Variants in SLC35F4 observed in about 807,000 individuals in gnomAD.
SLC35F4 encodes solute carrier family 35 member F4, also known as chromosome 14 open reading frame 36.
In SLC35F4, 24 loss-of-function variants were observed where a neutral mutation model predicts 44.2. The observed-to-expected ratio is 0.54, with a 90% confidence interval of 0.39 to 0.76. The LOEUF is 0.76. SLC35F4 is among the 30% of genes least tolerant of loss of function. SLC35F4 has a pLI of 0.00. For missense variants in SLC35F4, 562 were observed against 586.1 expected, an observed-to-expected ratio of 0.96 and a Z score of 0.42; for synonymous variants, 238 against 223.6, an observed-to-expected ratio of 1.06 and a Z score of -0.57.
At chr14:57,713,311 C>A (rs192416403) in intron 1 of SLC35F4, among the ~76,000 whole-genome samples, 32 of 152,248 alleles carry the variant, frequency 2.1e-4, no homozygotes, top group South Asian at 6.2e-4. Flanking sequence ...CCCATTAAAA[C>A]CCTTCATTGG....
At chr14:57,903,718 C>T (rs1889054450) in intron 1 of SLC35F4, among the ~76,000 whole-genome samples, 2 of 152,146 alleles carry the variant, frequency 1.3e-5, no homozygotes, top group African/African-American at 4.8e-5. Flanking sequence ...GTCTAAAGTG[C>T]AATAGCAAGA....
chr14:57,880,256 G>A (rs993955421), intron 1 of SLC35F4, among the ~76,000 whole-genome samples: 23 of 152,166 alleles, frequency 1.5e-4, no homozygotes, highest in African/African-American at 5.6e-4. Flanking sequence ...GCATTTGTTT[G>A]CATGTAGTAA....
chr14:57,816,759 T>C (rs1413259821), intron 1 of SLC35F4, among the ~76,000 whole-genome samples: 5 of 152,194 alleles, frequency 3.3e-5, no homozygotes, highest in African/African-American at 1.2e-4. Flanking sequence ...GATGGGAGTT[T>C]GTAGATAAGT....
At chr14:57,721,428 AATG>A (rs1469377588) in intron 1 of SLC35F4, among the ~76,000 whole-genome samples, 3 of 152,182 alleles carry the variant, frequency 2.0e-5, no homozygotes, top group Non-Finnish European at 2.9e-5. Flanking sequence ...GATGGAAGAA[AATG>A]ATGAACTCAG....
intron 1 of SLC35F4, among the ~76,000 whole-genome samples, chr14:57,667,284 G>C (rs1281896604): frequency 1.3e-5 from 2 of 151,916 alleles, no homozygotes; most frequent in Non-Finnish European, 2.9e-5. Flanking sequence ...TTTTTAAAGG[G>C]AGTGTCAAAA....
intron 1 of SLC35F4, among the ~76,000 whole-genome samples, chr14:57,613,992 T>C (rs1160096224): frequency 2.6e-5 from 4 of 152,332 alleles, no homozygotes; most frequent in South Asian, 2.1e-4. Context: ...TCAAAAAATA[T>C]TTACTGACTG....
intron 1 of SLC35F4, among the ~76,000 whole-genome samples, chr14:57,937,645 GAAA>G (rs1319830615): frequency 1.5e-4 from 17 of 116,584 alleles, no homozygotes; most frequent in South Asian, 2.7e-4. Context: ...GAAAAGAAAA[GAAA>G]AGAAAAAAGA....
chr14:57,637,468 G>A (rs968116865), intron 1 of SLC35F4, among the ~76,000 whole-genome samples: 1 of 152,088 alleles, frequency 6.6e-6, no homozygotes, highest in African/African-American at 2.4e-5. Context: ...TGGCCCTGTG[G>A]TGGCGAAGGG....
At chr14:57,710,627 G>A (rs2075794375) in intron 1 of SLC35F4, among the ~76,000 whole-genome samples, 1 of 152,158 alleles carries the variant, frequency 6.6e-6, no homozygotes, top group Admixed American at 6.5e-5. Context: ...CAGGGGTGGA[G>A]CTGCCCAAGG....
At chr14:57,799,618 G>A (rs1424933329) in intron 1 of SLC35F4, 2 of 152,796 alleles carry the variant, frequency 1.3e-5, no homozygotes, top group Admixed American at 6.5e-5. Context: ...CTCCTGGGGG[G>A]AGGGGTGGCC....
intron 1 of SLC35F4, among the ~76,000 whole-genome samples, chr14:57,671,551 A>G (rs2074523378): frequency 6.6e-6 from 1 of 152,062 alleles, no homozygotes; most frequent in East Asian, 1.9e-4. Context: ...CTAACTGAAG[A>G]GCCCTTGGGC....
intron 4 of SLC35F4, among the ~76,000 whole-genome samples, chr14:57,580,193 C>T (rs2069146037): frequency 1.3e-5 from 2 of 152,184 alleles, no homozygotes; most frequent in African/African-American, 2.4e-5. Context: ...AAGATACAAT[C>T]AGAATTGTCT....
Position 57,569,997 on chromosome 14 carries a change from ACT to A in SLC35F4, c.934-19_934-18del. 6.3e-7 allele frequency: 1 copy of A among 1,575,640 alleles called. No individual in the cohort carries two copies. Among genetic ancestry groups the A allele is most frequent in the Non-Finnish European group, 8.6e-7 (1 of 1,164,582 alleles). On this transcript the variant is annotated intron_variant, in intron 5 of 7. Coordinates refer to ENST00000556826, the MANE Select transcript of SLC35F4 (RefSeq NM_001306087.2). ...AAACAAGACCTGGAATGAGAAAGAA[ACT>A]CTACAGCCACACAGAAACTTAGCCA... is the stretch of plus-strand genomic sequence containing the variant.
At chr14:57,845,046 C>G (rs1330755335) in intron 1 of SLC35F4, among the ~76,000 whole-genome samples, 1 of 152,124 alleles carries the variant, frequency 6.6e-6, no homozygotes, top group Non-Finnish European at 1.5e-5. Flanking sequence ...AAAATTCAGT[C>G]TTTCGGGGAG....
At chr14:57,843,332 C>T (rs753565527) in intron 1 of SLC35F4, among the ~76,000 whole-genome samples, 5 of 152,122 alleles carry the variant, frequency 3.3e-5, no homozygotes, top group African/African-American at 1.2e-4. Flanking sequence ...AGGATCCTGA[C>T]TGAATATTGT....
At chr14:57,778,090 A>G (rs2140726252) in intron 1 of SLC35F4, among the ~76,000 whole-genome samples, 1 of 152,290 alleles carries the variant, frequency 6.6e-6, no homozygotes, top group South Asian at 2.1e-4. Flanking sequence ...ATGTTAGTAA[A>G]TGAGTCTAAC....
At chr14:57,978,553 C>T (rs1450695202) in intron 1 of SLC35F4, among the ~76,000 whole-genome samples, 1 of 152,166 alleles carries the variant, frequency 6.6e-6, no homozygotes, top group African/African-American at 2.4e-5. Flanking sequence ...GTATACATGG[C>T]TTGTTAAAGG....
intron 1 of SLC35F4, among the ~76,000 whole-genome samples, chr14:57,874,657 C>T (rs550876225): frequency 6.6e-6 from 1 of 152,288 alleles, no homozygotes; most frequent in African/African-American, 2.4e-5. Context: ...TGTGCAATGC[C>T]ATCTTCGGCT....
chr14:57,769,224 C>T (rs779067800), intron 1 of SLC35F4, among the ~76,000 whole-genome samples: 17 of 152,194 alleles, frequency 1.1e-4, no homozygotes, highest in African/African-American at 3.9e-4. Context: ...TAGCCTCCAG[C>T]ACCCGTGCTG....
Sources: allele counts gnomAD v4.1 joint callset (sites outside exome capture counted in the v4.1 genomes callset), GRCh38; gene constraint gnomAD v4.1.1; transcripts MANE v1.5; gene names NCBI Gene and HGNC (gene_info 2026-07-23, HGNC 2026-07-21).